Variants in LHFPL2 observed in about 807,000 individuals in gnomAD.
The protein encoded by LHFPL2 is LHFPL tetraspan subfamily member 2 protein.
A neutral mutation model predicts 17.5 loss-of-function variants in LHFPL2; 7 were observed. The ratio of observed to expected loss-of-function variants is 0.40; its 90% CI spans 0.23 to 0.75. The LOEUF (loss-of-function observed/expected upper bound fraction) is 0.75. Ranked by LOEUF, LHFPL2 falls within the 30% of genes least tolerant of loss-of-function variation. LHFPL2 has a pLI of 0.37. For missense variants in LHFPL2, 241 were observed against 294.8 expected (o/e 0.82, Z 1.34); for synonymous variants, 134 against 116.2 (o/e 1.15, Z -0.99).
intron 3 of LHFPL2, chr5:78,548,915 AT>A (rs1323617420): frequency 1.3e-5 from 2 of 152,010 alleles, no homozygotes; most frequent in Non-Finnish European, 2.9e-5. Flanking sequence ...AGAAAATTGT[AT>A]TTTTCTGTCT....
chr5:78,588,576 A>T (rs555285939), intron 2 of LHFPL2, among the ~76,000 whole-genome samples: 1 of 152,264 alleles, frequency 6.6e-6, no homozygotes, highest in African/African-American at 2.4e-5. Context: ...ATGTACATAG[A>T]AGTGTTCTTC....
At chr5:78,580,123 G>T (rs965690633) in intron 2 of LHFPL2, among the ~76,000 whole-genome samples, 15 of 152,204 alleles carry the variant, frequency 9.9e-5, no homozygotes, top group Admixed American at 9.2e-4. Flanking sequence ...TTTTTCATGT[G>T]TTTTTTGGCT....
chr5:78,605,370 G>A (rs985396289), intron 2 of LHFPL2, among the ~76,000 whole-genome samples: 2 of 152,190 alleles, frequency 1.3e-5, no homozygotes, highest in African/African-American at 4.8e-5. Flanking sequence ...TGAGCAGGGT[G>A]ACTTGTGTCT....
At chr5:78,534,907 G>A (rs1051921482) in intron 3 of LHFPL2, among the ~76,000 whole-genome samples, 1 of 152,218 alleles carries the variant, frequency 6.6e-6, no homozygotes, top group Non-Finnish European at 1.5e-5. Flanking sequence ...TCACACGGCC[G>A]CCTCAACTTC....
rs930866965 is a variant in LHFPL2, at chr5:78,494,544, AAAAC to A, written c.431-5395_431-5392del. ...GATTCAACCTTATCTGTAGAGGAAA[AAAAC>A]AAATGAAAAGCTGATGGTCAGTCAC... On this transcript the variant is annotated intron_variant, in intron 4 of 4. Transcript: ENST00000380345. 14 of 984,948 alleles carry A rather than the reference AAAAC, an allele frequency of 1.4e-5. No individual in the cohort carries two copies. The East Asian group carries it at 1.1e-3, about 80-fold the overall frequency. 61.0% of individuals were successfully genotyped at this position (984,948 alleles called of 1,614,324 possible).
At position 78,585,045 on chromosome 5, in the gene LHFPL2, C is replaced by T. The variant is rs1330880618; in HGVS notation, c.-244-20174G>A. On this transcript the variant is annotated intron_variant, in intron 2 of 4. Transcript: ENST00000380345. ...TTTTTGAGACGGAGTCTCGCTCTGT[C>T]GCCCAGGCTGGAGTGCAGTGGCGGG... is the stretch of plus-strand genomic sequence containing the variant. 1.0e-4 allele frequency among the ~76,000 whole-genome samples: 7 copies of T among 69,098 alleles called. 1 individual carries two copies. The highest frequency in any genetic ancestry group is 1.7e-4 in the Non-Finnish European group (6 of 35,284). 45.3% of individuals were successfully genotyped at this position (69,098 alleles called of 152,430 possible).
At chr5:78,622,750 C>T (rs1439031937) in intron 2 of LHFPL2, among the ~76,000 whole-genome samples, 1 of 152,186 alleles carries the variant, frequency 6.6e-6, no homozygotes, top group African/African-American at 2.4e-5. Flanking sequence ...TGTATTTAAT[C>T]ATTAACATTT....
chr5:78,529,112 G>GA (rs59230176), intron 3 of LHFPL2, among the ~76,000 whole-genome samples: 7,569 of 138,954 alleles, frequency 0.054, 304 homozygotes, highest in East Asian at 0.23. Flanking sequence ...CCACGTCTCT[G>GA]AAAAAAAAAA....
rs1446450995 is a variant in LHFPL2 at position 78,648,702 on chromosome 5, G to C, written c.-553C>G. 1.3e-5 allele frequency: 2 copies of C among 152,122 alleles called. No homozygotes were observed. The highest frequency in any genetic ancestry group is 2.9e-5 in the Non-Finnish European group (2 of 68,314). 9.4% of individuals were successfully genotyped at this position (152,122 alleles called of 1,614,324 possible). A position where few individuals can be genotyped will look rare whatever the true frequency, so the allele number is the denominator to read the frequency against. Reference sequence around the variant, plus strand: ...GGGAGGGGAGAGGGTCCGCGGCGCGGGGGAGGAGGCAGCGAGGCGAGAGAG... The same window carrying C: ...GGGAGGGGAGAGGGTCCGCGGCGCGCGGGAGGAGGCAGCGAGGCGAGAGAG... On this transcript the variant is annotated 5_prime_UTR_variant, in exon 1 of 5. Transcript: ENST00000380345. This position sits in a 1 kb window ranked among gnomAD's most constrained non-coding sequence, Gnocchi z 5.4.
chr5:78,529,033 A>G (rs1580778452), intron 3 of LHFPL2, among the ~76,000 whole-genome samples: 1 of 151,636 alleles, frequency 6.6e-6, no homozygotes, highest in East Asian at 1.9e-4. Flanking sequence ...TAATCCCACC[A>G]CTTTGAGAGG....
intron 1 of LHFPL2, among the ~76,000 whole-genome samples, chr5:78,643,994 C>T (rs1377395735): frequency 1.3e-5 from 2 of 152,092 alleles, no homozygotes; most frequent in Non-Finnish European, 2.9e-5. Context: ...CCCAGGAGGA[C>T]AAGGTTGCAG....
intron 4 of LHFPL2, among the ~76,000 whole-genome samples, chr5:78,508,991 C>T (rs1755020024): frequency 1.3e-5 from 2 of 152,252 alleles, no homozygotes; most frequent in East Asian, 1.9e-4. Context: ...TGGTTCAGGA[C>T]TCACCTTTCA....
intron 2 of LHFPL2, among the ~76,000 whole-genome samples, chr5:78,567,388 C>T (rs139878569): frequency 8.6e-5 from 13 of 151,632 alleles, no homozygotes; most frequent in African/African-American, 2.7e-4. Flanking sequence ...TATGCTATTT[C>T]GAAAATACAG....
chr5:78,587,496 C>T (rs75531920), intron 2 of LHFPL2, among the ~76,000 whole-genome samples: 4,897 of 152,288 alleles, frequency 0.032, 263 homozygotes, highest in African/African-American at 0.11. Flanking sequence ...GAGACTTAGG[C>T]TTGAATCCTA....
chr5:78,566,492 C>T (rs1368108154), intron 2 of LHFPL2, among the ~76,000 whole-genome samples: 5 of 150,952 alleles, frequency 3.3e-5, no homozygotes, highest in Non-Finnish European at 5.9e-5. Flanking sequence ...GAGACAGAGT[C>T]TCCCTCTGTC....
At chr5:78,566,749 C>T (rs1046506484) in intron 2 of LHFPL2, among the ~76,000 whole-genome samples, 2 of 152,204 alleles carry the variant, frequency 1.3e-5, no homozygotes, top group South Asian at 2.1e-4. Context: ...TGAGCCACTG[C>T]GCCCGGCGAA....
intron 2 of LHFPL2, among the ~76,000 whole-genome samples, chr5:78,572,420 A>G (rs1757020176): frequency 6.6e-6 from 1 of 151,562 alleles, no homozygotes; most frequent in Non-Finnish European, 1.5e-5. Flanking sequence ...CATTTTATAT[A>G]CATATATATA....
intron 4 of LHFPL2, among the ~76,000 whole-genome samples, chr5:78,505,213 C>T (rs1012101210): frequency 4.6e-5 from 7 of 152,200 alleles, no homozygotes; most frequent in African/African-American, 9.7e-5. Flanking sequence ...AGGTCACAAC[C>T]TAAGGAAGAC....
intron 2 of LHFPL2, among the ~76,000 whole-genome samples, chr5:78,584,321 G>A (rs1486216506): frequency 1.3e-5 from 2 of 152,228 alleles, no homozygotes; most frequent in East Asian, 1.9e-4. Flanking sequence ...TTCCGTTGCT[G>A]GTGAGGAACT....
Sources: gnomAD v4.1 joint callset for allele counts (sites outside exome capture counted in the v4.1 genomes callset) on GRCh38, gnomAD v4.1.1 for gene constraint, Gnocchi (gnomAD v3.1) non-coding constraint, MANE v1.5 for transcripts, NCBI Gene and HGNC (gene_info 2026-07-23, HGNC 2026-07-21) for gene names.